Variants in TCF12 observed in about 807,000 individuals in gnomAD.
TCF12 encodes the protein transcription factor 12.
TCF12 carries 45 observed loss-of-function variants against 86.0 expected under a neutral mutation model. The ratio of observed to expected loss-of-function variants is 0.52; its 90% CI spans 0.41 to 0.67. TCF12 has a LOEUF of 0.67. Among genes scored for constraint, TCF12 ranks in the 30% least tolerant of loss-of-function variants. The probability of loss-of-function intolerance (pLI) is 0.00; values close to 1 mark genes in which losing one functional copy is unlikely to be tolerated. For missense variants in TCF12, 881 were observed against 859.9 expected, an observed-to-expected ratio of 1.02 and a Z score of -0.31; for synonymous variants, 330 against 299.6, an observed-to-expected ratio of 1.10 and a Z score of -1.05.
chr15:57,180,755 A>G (rs2056280575), intron 6 of TCF12, among the ~76,000 whole-genome samples: 1 of 151,706 alleles, frequency 6.6e-6, no homozygotes, highest in Non-Finnish European at 1.5e-5. Flanking sequence ...ATTTTCTTAA[A>G]TAAATTAATA....
rs557610511 is a variant in TCF12 at position 56,995,231 on chromosome 15, C to CTTTTTTTTTT, written c.149-68500_149-68491dup. The stretch of plus-strand genomic sequence containing the variant: ...AAGTCAGGTAATGTGATACCTGCAG[C>CTTTTTTTTTT]TTTTTTTTTTTTTTTTTTTTTTTTT... On this transcript the variant is annotated intron_variant, in intron 3 of 20. Transcript: ENST00000333725. Among the ~76,000 whole-genome samples, 75 of 30,302 alleles carry CTTTTTTTTTT rather than the reference C, an allele frequency of 2.5e-3. 21 individuals are homozygous for CTTTTTTTTTT. The highest frequency in any genetic ancestry group is 5.5e-3 in the South Asian group (2 of 362). 19.9% of individuals were successfully genotyped at this position (30,302 alleles called of 152,430 possible). A position where few individuals can be genotyped will look rare whatever the true frequency, so the allele number is the denominator to read the frequency against.
At chr15:57,041,331 A>G (rs560144745) in intron 3 of TCF12, among the ~76,000 whole-genome samples, 1 of 152,332 alleles carries the variant, frequency 6.6e-6, no homozygotes, top group Admixed American at 6.5e-5. Context: ...TCTTTATACT[A>G]TTGAACCAAA....
intron 8 of TCF12, among the ~76,000 whole-genome samples, chr15:57,213,512 A>G (rs1008157230): frequency 2.0e-5 from 3 of 152,216 alleles, no homozygotes; most frequent in African/African-American, 7.2e-5. Flanking sequence ...AACTTAATGT[A>G]TAAGTTACTT....
intron 5 of TCF12, among the ~76,000 whole-genome samples, chr15:57,118,199 C>T (rs1302888725): frequency 1.3e-5 from 2 of 152,176 alleles, no homozygotes; most frequent in East Asian, 1.9e-4. Flanking sequence ...GCTTGGTCCC[C>T]TGGCAGTGAT....
At chr15:57,218,080 T>G (rs925707193) in intron 8 of TCF12, among the ~76,000 whole-genome samples, 1 of 152,218 alleles carries the variant, frequency 6.6e-6, no homozygotes, top group Non-Finnish European at 1.5e-5. Context: ...TTGTCTGATT[T>G]AGTTTCGTTA....
At position 56,949,812 on chromosome 15, in the gene TCF12, G is replaced by A. The variant is rs571956592; in HGVS notation, c.148+28714G>A. 3.3e-5 allele frequency among the ~76,000 whole-genome samples: 5 copies of A among 152,290 alleles called. No homozygotes were observed. In the South Asian group the frequency reaches 8.3e-4, roughly 25 times the overall value. On this transcript the variant is annotated intron_variant, in intron 3 of 20. Transcript: ENST00000333725. Reference sequence around the variant, plus strand: ...AAGTTCTTTAATAGAAATGGTTAAAGTGTCATGGGGTTATAGAGGTTAAAG... The same window carrying A: ...AAGTTCTTTAATAGAAATGGTTAAAATGTCATGGGGTTATAGAGGTTAAAG...
chr15:57,267,867 TTTC>T (rs1273407596), intron 18 of TCF12, among the ~76,000 whole-genome samples: 1 of 152,172 alleles, frequency 6.6e-6, no homozygotes, highest in Non-Finnish European at 1.5e-5. Context: ...TTGAGCTCAG[TTTC>T]TTCTTCTCTA....
At chr15:57,221,680 T>C (rs2151868377) in intron 8 of TCF12, among the ~76,000 whole-genome samples, 1 of 152,108 alleles carries the variant, frequency 6.6e-6, no homozygotes, top group East Asian at 1.9e-4. Flanking sequence ...GAAAAATATA[T>C]AAATAAAGAG....
At chr15:57,098,009 C>CAAAAAAAAA (rs72046243) in intron 5 of TCF12, among the ~76,000 whole-genome samples, 18 of 48,406 alleles carry the variant, frequency 3.7e-4, no homozygotes, top group African/African-American at 8.5e-4. Flanking sequence ...TACAAAAATA[C>CAAAAAAAAA]AAAAAAAAAA....
chr15:57,271,974 C>G (rs543893738), intron 18 of TCF12, among the ~76,000 whole-genome samples: 1 of 152,196 alleles, frequency 6.6e-6, no homozygotes, highest in Non-Finnish European at 1.5e-5. Context: ...TCCCTTTCCT[C>G]CATCCCGTGG....
chr15:57,042,088 A>G (rs1257173629), intron 3 of TCF12, among the ~76,000 whole-genome samples: 1 of 152,174 alleles, frequency 6.6e-6, no homozygotes, highest in African/African-American at 2.4e-5. Flanking sequence ...ATTTAACTAC[A>G]AAAGTACCTT....
chr15:56,976,688 C>T (rs1346832397), intron 3 of TCF12, among the ~76,000 whole-genome samples: 2 of 151,870 alleles, frequency 1.3e-5, no homozygotes, highest in African/African-American at 4.8e-5. Flanking sequence ...AAGACAGTAC[C>T]ACGTGTGAAG....
chr15:57,189,438 C>T (rs2056863528), intron 6 of TCF12, among the ~76,000 whole-genome samples: 2 of 152,172 alleles, frequency 1.3e-5, no homozygotes, highest in South Asian at 4.1e-4. Context: ...CTTGACTAGA[C>T]ATTCTTCCCA....
intron 12 of TCF12, among the ~76,000 whole-genome samples, chr15:57,243,079 C>T (rs996783502): frequency 6.6e-6 from 1 of 152,112 alleles, no homozygotes; most frequent in African/African-American, 2.4e-5. Flanking sequence ...AAAGACCATT[C>T]TAAAAGATAG....
intron 3 of TCF12, among the ~76,000 whole-genome samples, chr15:56,941,741 T>C (rs2060790679): frequency 1.3e-5 from 2 of 151,960 alleles, no homozygotes; most frequent in African/African-American, 4.8e-5. Context: ...AGAGACCTGT[T>C]AGTCTTGTAT....
intron 19 of TCF12, among the ~76,000 whole-genome samples, chr15:57,280,981 T>G (rs1408878451): frequency 4.6e-5 from 7 of 152,196 alleles, no homozygotes; most frequent in African/African-American, 1.7e-4. Context: ...TATCTTGGGC[T>G]TAAAACTCAT....
intron 4 of TCF12, among the ~76,000 whole-genome samples, chr15:57,090,390 T>G (rs1184952196): frequency 6.6e-6 from 1 of 152,214 alleles, no homozygotes; most frequent in Non-Finnish European, 1.5e-5. Context: ...GGCACCCAGA[T>G]TCTTCTTGAA....
At chr15:57,171,332 T>C (rs2055482399) in intron 6 of TCF12, among the ~76,000 whole-genome samples, 1 of 151,924 alleles carries the variant, frequency 6.6e-6, no homozygotes, top group East Asian at 1.9e-4. Flanking sequence ...GGATAAACTA[T>C]TCAAAGGAAA....
At chr15:57,136,427 A>G (rs745445926) in intron 5 of TCF12, among the ~76,000 whole-genome samples, 2 of 152,216 alleles carry the variant, frequency 1.3e-5, no homozygotes, top group Non-Finnish European at 2.9e-5. Context: ...TGTCATAACC[A>G]TGGATTAAAT....
Sources: allele counts gnomAD v4.1 joint callset (sites outside exome capture counted in the v4.1 genomes callset), GRCh38; gene constraint gnomAD v4.1.1; transcripts MANE v1.5; gene names NCBI Gene and HGNC (gene_info 2026-07-23, HGNC 2026-07-21).